DIP2C: variants seen among roughly 807,000 people sequenced by gnomAD.
DIP2C encodes the protein disco-interacting protein 2 homolog C.
A neutral mutation model predicts 192.4 loss-of-function variants in DIP2C; 33 were observed. The observed-to-expected ratio is 0.17, with a 90% CI of 0.13 to 0.23. DIP2C has a LOEUF of 0.23. DIP2C is among the 10% of genes least tolerant of loss of function. The probability of loss-of-function intolerance (pLI) is 1.00; values close to 1 mark genes in which losing one functional copy is unlikely to be tolerated. For missense variants in DIP2C, 1,537 were observed against 2,110.1 expected (o/e 0.73, Z 5.32); for synonymous variants, 979 against 864.1 (o/e 1.13, Z -2.33).
intron 2 of DIP2C, among the ~76,000 whole-genome samples, chr10:483,552 C>A (rs986408235): frequency 6.6e-6 from 1 of 152,218 alleles, no homozygotes; most frequent in African/African-American, 2.4e-5. Context: ...AATCAGGCGG[C>A]CCGGGCCGTC....
chr10:593,326 C>G (rs1040854578), intron 1 of DIP2C, among the ~76,000 whole-genome samples: 1 of 152,142 alleles, frequency 6.6e-6, no homozygotes, highest in African/African-American at 2.4e-5. Flanking sequence ...CCTAAGTCCA[C>G]GTTTACCCCA....
chr10:598,777 G>C (rs1339152805), intron 1 of DIP2C, among the ~76,000 whole-genome samples: 1 of 152,352 alleles, frequency 6.6e-6, no homozygotes, highest in African/African-American at 2.4e-5. Flanking sequence ...AATGTGGTCT[G>C]AAGGCATCTG....
chr10:615,933 C>T (rs889059167), intron 1 of DIP2C, among the ~76,000 whole-genome samples: 1 of 152,112 alleles, frequency 6.6e-6, no homozygotes, highest in African/African-American at 2.4e-5. Flanking sequence ...AGGGAGGCTC[C>T]ACAGATACAG....
intron 31 of DIP2C, chr10:324,848 G>T: frequency 2.1e-6 from 1 of 485,424 alleles, no homozygotes. Flanking sequence ...ACACCAGCAC[G>T]CCAACTCTGT....
chr10:334,075 C>T (rs529993638), intron 29 of DIP2C, among the ~76,000 whole-genome samples: 137 of 152,070 alleles, frequency 9.0e-4, no homozygotes, highest in African/African-American at 3.1e-3. Flanking sequence ...GAGGCTGAAG[C>T]GGGCAGATTA....
intron 19 of DIP2C, chr10:364,838 A>C (rs1959995850): frequency 1.6e-6 from 1 of 642,854 alleles, no homozygotes; most frequent in Non-Finnish European, 2.9e-6. Flanking sequence ...CTGCCTCTGA[A>C]CCCTGAACAG....
At chr10:616,736 C>T (rs886920680) in intron 1 of DIP2C, among the ~76,000 whole-genome samples, 1 of 152,170 alleles carries the variant, frequency 6.6e-6, no homozygotes, top group Non-Finnish European at 1.5e-5. Context: ...GTACCTTCCT[C>T]AAAGTACCCA....
intron 8 of DIP2C, 81 bp downstream of exon 8, chr10:413,832 A>C: frequency 6.5e-7 from 1 of 1,529,274 alleles, no homozygotes; most frequent in East Asian, 2.3e-5. Flanking sequence ...GTGAGGATGT[A>C]AACGGACACT....
intron 4 of DIP2C, among the ~76,000 whole-genome samples, chr10:434,563 G>A (rs529205037): frequency 6.6e-6 from 1 of 152,180 alleles, no homozygotes; most frequent in Non-Finnish European, 1.5e-5. Flanking sequence ...GTGAGCCCCT[G>A]TACACAGACT....
intron 4 of DIP2C, among the ~76,000 whole-genome samples, chr10:430,692 TATCA>T (rs932541176): frequency 2.5e-4 from 38 of 152,378 alleles, no homozygotes; most frequent in African/African-American, 8.2e-4. Context: ...GAGTCCAGCT[TATCA>T]ATTATTTCAC....
At chr10:343,516 T>C (rs1452977276) in intron 28 of DIP2C, among the ~76,000 whole-genome samples, 2 of 152,246 alleles carry the variant, frequency 1.3e-5, no homozygotes, top group Non-Finnish European at 2.9e-5. Flanking sequence ...GTTTCGTAAC[T>C]GTTTTACTAT....
chr10:586,621 G>A (rs2131615814), intron 1 of DIP2C, among the ~76,000 whole-genome samples: 1 of 152,302 alleles, frequency 6.6e-6, no homozygotes, highest in Non-Finnish European at 1.5e-5. Flanking sequence ...ATCTCTTCCT[G>A]TTCACATAGT....
chr10:445,268 A>G (rs939695353), intron 3 of DIP2C, among the ~76,000 whole-genome samples: 1 of 151,026 alleles, frequency 6.6e-6, no homozygotes, highest in African/African-American at 2.4e-5. Flanking sequence ...GGGCATCTGT[A>G]TACAACTGTT....
At chr10:482,638 A>C (rs1843688505) in intron 2 of DIP2C, among the ~76,000 whole-genome samples, 1 of 152,210 alleles carries the variant, frequency 6.6e-6, no homozygotes, top group African/African-American at 2.4e-5. Flanking sequence ...ACACATAAGA[A>C]GTTGCTGTGA....
intron 29 of DIP2C, among the ~76,000 whole-genome samples, chr10:337,923 G>C: frequency 6.6e-6 from 1 of 150,578 alleles, no homozygotes; most frequent in Admixed American, 6.6e-5. Flanking sequence ...CTAGGCTGAT[G>C]TGTATGTGTG....
chr10:455,285 T>A lies in DIP2C; in HGVS notation c.269-14289A>T, dbSNP rs540006576. Among the ~76,000 whole-genome samples, 10 of 142,808 alleles carry A rather than the reference T, an allele frequency of 7.0e-5. 2 individuals are homozygous for A. Among genetic ancestry groups the A allele is most frequent in the African/African-American group, 2.6e-4 (10 of 38,786 alleles). 93.7% of individuals were successfully genotyped at this position (142,808 alleles called of 152,430 possible). A position where few individuals can be genotyped will look rare whatever the true frequency, so the allele number is the denominator to read the frequency against. On this transcript the variant is annotated intron_variant, in intron 3 of 36. Transcript: ENST00000280886. The stretch of plus-strand genomic sequence containing the variant: ...TGAGGAGTGGCCCATGAGGAGTAAA[T>A]GAGATGAAAACACTCTGCAGTGAGT...
chr10:475,058 CCT>C (rs963052465), intron 2 of DIP2C, among the ~76,000 whole-genome samples: 1 of 152,194 alleles, frequency 6.6e-6, no homozygotes, highest in Non-Finnish European at 1.5e-5. Flanking sequence ...CCTCTCCTCT[CCT>C]GTTTCCAACA....
intron 1 of DIP2C, among the ~76,000 whole-genome samples, chr10:679,040 A>C (rs1588756453): frequency 2.2e-4 from 2 of 9,168 alleles, no homozygotes; most frequent in Admixed American, 2.2e-3. Context: ...CCCCGCGCCC[A>C]TGCTCCCCAC....
chr10:424,448 C>G (rs1455276807), intron 4 of DIP2C, among the ~76,000 whole-genome samples: 1 of 147,326 alleles, frequency 6.8e-6, no homozygotes, highest in African/African-American at 2.5e-5. Context: ...TCACAATAAC[C>G]TCTCACTCCC....
Sources: allele counts gnomAD v4.1 joint callset (sites outside exome capture counted in the v4.1 genomes callset), GRCh38; gene constraint gnomAD v4.1.1; transcripts MANE v1.5; gene names NCBI Gene and HGNC (gene_info 2026-07-23, HGNC 2026-07-21).